Variants in CHRM3 observed in about 807,000 individuals in gnomAD.
CHRM3 encodes cholinergic receptor muscarinic 3.
A neutral mutation model predicts 41.8 loss-of-function variants in CHRM3; 11 were observed. The ratio of observed to expected loss-of-function variants is 0.26; its 90% CI spans 0.17 to 0.44. The LOEUF is 0.44. CHRM3 is among the 20% of genes least tolerant of loss of function. CHRM3 has a pLI of 1.00. For synonymous variants in CHRM3, 297 were observed against 301.4 expected (o/e 0.99, Z 0.15); for missense variants, 571 against 745.4 (o/e 0.77, Z 2.72).
chr1:239,804,027 G>A (rs935418981), intron 5 of CHRM3, among the ~76,000 whole-genome samples: 2 of 152,200 alleles, frequency 1.3e-5, no homozygotes, highest in Non-Finnish European at 2.9e-5. Context: ...GACTCTTGGA[G>A]GATTTATAGC....
intron 3 of CHRM3, among the ~76,000 whole-genome samples, chr1:239,615,179 C>T (rs376493827): frequency 1.3e-5 from 2 of 152,192 alleles, no homozygotes; most frequent in South Asian, 2.1e-4. Context: ...GGTTCCTGGA[C>T]ACTTTCTATG....
At chr1:239,515,025 A>T (rs956801240) in intron 2 of CHRM3, among the ~76,000 whole-genome samples, 1 of 152,136 alleles carries the variant, frequency 6.6e-6, no homozygotes, top group Admixed American at 6.6e-5. Flanking sequence ...TTTTGTCAGC[A>T]CATATGTCGT....
intron 1 of CHRM3, among the ~76,000 whole-genome samples, chr1:239,403,783 T>C (rs1660180579): frequency 6.6e-6 from 1 of 151,870 alleles, no homozygotes; most frequent in African/African-American, 2.4e-5. Flanking sequence ...CATAATCATA[T>C]GGGATGTCTG....
At chr1:239,553,964 G>C (rs1349294211) in intron 3 of CHRM3, among the ~76,000 whole-genome samples, 1 of 152,026 alleles carries the variant, frequency 6.6e-6, no homozygotes, top group Non-Finnish European at 1.5e-5. Context: ...TCTCGGTTCA[G>C]TACAACCTCA....
At chr1:239,487,726 AT>A (rs754489980) in intron 1 of CHRM3, among the ~76,000 whole-genome samples, 2 of 152,138 alleles carry the variant, frequency 1.3e-5, no homozygotes. Context: ...AGATAGTATC[AT>A]TTTTTTCAAT....
intron 2 of CHRM3, among the ~76,000 whole-genome samples, chr1:239,505,563 C>G (rs1668513629): frequency 6.6e-6 from 1 of 152,180 alleles, no homozygotes; most frequent in South Asian, 2.1e-4. Flanking sequence ...TCCCCACCAA[C>G]TTGGAACTGT....
chr1:239,726,592 A>G (rs1167389152), intron 5 of CHRM3, among the ~76,000 whole-genome samples: 2 of 151,954 alleles, frequency 1.3e-5, no homozygotes, highest in Non-Finnish European at 2.9e-5. Flanking sequence ...TAATGGCTTC[A>G]GCAATTACTT....
intron 5 of CHRM3, among the ~76,000 whole-genome samples, chr1:239,687,724 C>T (rs1474946796): frequency 1.3e-5 from 2 of 152,114 alleles, no homozygotes; most frequent in Non-Finnish European, 2.9e-5. Context: ...ATAATAACTA[C>T]TGTTTCTATG....
rs180915094 is a variant in CHRM3, at chr1:239,391,894, G to A, written c.-521+4667G>A. Among the ~76,000 whole-genome samples the A allele has an allele frequency of 3.2e-3, 494 of 152,294 alleles. 2 individuals carry two copies. Among genetic ancestry groups the A allele is most frequent in the Non-Finnish European group, 5.1e-3 (347 of 68,028 alleles). On this transcript the variant is annotated intron_variant, in intron 1 of 6. Coordinates refer to ENST00000676153, the MANE Select transcript of CHRM3 (RefSeq NM_001375978.1). ...AGCCTGCTCTGCATGGGACTCAGGA[G>A]CCTGGCCCTTCTGATTCCACAACCA...
chr1:239,771,539 A>G (rs1667672929), intron 5 of CHRM3, among the ~76,000 whole-genome samples: 1 of 152,250 alleles, frequency 6.6e-6, no homozygotes, highest in South Asian at 2.1e-4. Flanking sequence ...TATTTGTGAC[A>G]AAATAACTGT....
chr1:239,850,435 C>T (rs916100898), intron 6 of CHRM3, among the ~76,000 whole-genome samples: 2 of 151,914 alleles, frequency 1.3e-5, no homozygotes, highest in Admixed American at 6.6e-5. Context: ...CAGGCACACT[C>T]GGTGTAATTT....
At chr1:239,557,941 A>G (rs1660519309) in intron 3 of CHRM3, among the ~76,000 whole-genome samples, 2 of 152,138 alleles carry the variant, frequency 1.3e-5, no homozygotes, top group African/African-American at 4.8e-5. Context: ...GCTGCAAAGA[A>G]CCTACATGTG....
intron 6 of CHRM3, among the ~76,000 whole-genome samples, chr1:239,840,913 A>G (rs1333591517): frequency 6.6e-6 from 1 of 152,176 alleles, no homozygotes; most frequent in Non-Finnish European, 1.5e-5. Flanking sequence ...GCACTCTGGC[A>G]TGTGAAGTGA....
At chr1:239,478,489 A>G (rs1666608845) in intron 1 of CHRM3, among the ~76,000 whole-genome samples, 1 of 152,362 alleles carries the variant, frequency 6.6e-6, no homozygotes, top group African/African-American at 2.4e-5. Flanking sequence ...TTAAATAACT[A>G]TAATAAATAT....
At chr1:239,796,593 G>T (rs72758767) in intron 5 of CHRM3, among the ~76,000 whole-genome samples, 6,473 of 152,042 alleles carry the variant, frequency 0.043, 184 homozygotes, top group Non-Finnish European at 0.066. Flanking sequence ...CATGGCCGTG[G>T]TCAGAGCATT....
At chr1:239,712,496 A>G (rs766151507) in intron 5 of CHRM3, among the ~76,000 whole-genome samples, 7 of 152,204 alleles carry the variant, frequency 4.6e-5, no homozygotes, top group Non-Finnish European at 2.9e-5. Context: ...AGAAGTATGT[A>G]GTTGGAATGA....
At chr1:239,504,456 A>G (rs1572528976) in intron 2 of CHRM3, among the ~76,000 whole-genome samples, 1 of 152,330 alleles carries the variant, frequency 6.6e-6, no homozygotes, top group South Asian at 2.1e-4. Context: ...ACACTTCTAC[A>G]CTGCTGGTGG....
chr1:239,519,867 C>T (rs2148256163), intron 2 of CHRM3, among the ~76,000 whole-genome samples: 1 of 151,184 alleles, frequency 6.6e-6, no homozygotes, highest in South Asian at 2.1e-4. Context: ...CCTGCCTCAG[C>T]CTCCCTAGTA....
At chr1:239,609,445 C>G (rs974157788) in intron 3 of CHRM3, among the ~76,000 whole-genome samples, 1 of 152,186 alleles carries the variant, frequency 6.6e-6, no homozygotes, top group African/African-American at 2.4e-5. Context: ...TGAAGTAAAT[C>G]TGCTGTGAAT....
Sources: gnomAD v4.1 joint callset for allele counts (sites outside exome capture counted in the v4.1 genomes callset) on GRCh38, gnomAD v4.1.1 for gene constraint, MANE v1.5 for transcripts, NCBI Gene and HGNC (gene_info 2026-07-23, HGNC 2026-07-21) for gene names.